Variants in HS2ST1 observed in about 807,000 individuals in gnomAD.
HS2ST1 encodes the protein 2-O-sulfotransferase.
HS2ST1 carries 18 observed loss-of-function variants against 42.9 expected under a neutral mutation model. The observed-to-expected ratio is 0.42, with a 90% CI of 0.29 to 0.62. HS2ST1 has a LOEUF of 0.62. Ranked by LOEUF, HS2ST1 falls within the 20% of genes least tolerant of loss-of-function variation. HS2ST1 has a pLI of 0.21. For missense variants in HS2ST1, 334 were observed against 433.8 expected, an observed-to-expected ratio of 0.77 and a Z score of 2.04; for synonymous variants, 146 against 152.9, an observed-to-expected ratio of 0.95 and a Z score of 0.33.
chr1:87,031,462 C>T (rs766043702), intron 1 of HS2ST1, among the ~76,000 whole-genome samples: 16 of 152,160 alleles, frequency 1.1e-4, no homozygotes, highest in Non-Finnish European at 1.8e-4. Context: ...GTGTGGTCCA[C>T]GGACTGGCTG....
At chr1:86,997,777 A>G (rs1649150759) in intron 1 of HS2ST1, among the ~76,000 whole-genome samples, 1 of 152,212 alleles carries the variant, frequency 6.6e-6, no homozygotes, top group South Asian at 2.1e-4. Flanking sequence ...GGTAGCACAT[A>G]CAGCATGAAT....
At chr1:86,990,295 C>T (rs1648904579) in intron 1 of HS2ST1, among the ~76,000 whole-genome samples, 2 of 152,044 alleles carry the variant, frequency 1.3e-5, no homozygotes, top group South Asian at 4.2e-4. Flanking sequence ...ATGACTTTGC[C>T]ATTTTTTGTG....
chr1:87,046,429 A>G (rs1453509778), intron 1 of HS2ST1: 7 of 899,564 alleles, frequency 7.8e-6, no homozygotes, highest in Admixed American at 1.7e-5. Flanking sequence ...AGCCAGAGCT[A>G]GAACATTCTA....
chr1:86,945,270 A>G (rs922396930), intron 1 of HS2ST1, among the ~76,000 whole-genome samples: 4 of 152,208 alleles, frequency 2.6e-5, no homozygotes, highest in Non-Finnish European at 4.4e-5. Flanking sequence ...GAAATATAGA[A>G]TATTATTGGG....
At chr1:87,099,998 C>T (rs886851525) in intron 5 of HS2ST1, among the ~76,000 whole-genome samples, 1 of 152,208 alleles carries the variant, frequency 6.6e-6, no homozygotes, top group Non-Finnish European at 1.5e-5. Flanking sequence ...GCCCCCATGG[C>T]TTTGCAGGGT....
rs1440204979 is a variant in HS2ST1, at chr1:86,959,486, C to T, written c.124+44326C>T. On this transcript the variant is annotated intron_variant, in intron 1 of 6. Coordinates refer to ENST00000370550, the MANE Select transcript of HS2ST1 (RefSeq NM_012262.4). ...CAGCCTGGCTAACATGGTGAAACCCCGTCTCTACTAAAAATACAAAAATCA... is the reference window on the plus strand; with the variant it reads ...CAGCCTGGCTAACATGGTGAAACCCTGTCTCTACTAAAAATACAAAAATCA... Among the ~76,000 whole-genome samples the T allele has an allele frequency of 3.3e-5, 5 of 152,016 alleles. No homozygotes were observed. In the South Asian group the frequency reaches 8.3e-4, roughly 25 times the overall value.
intron 1 of HS2ST1, among the ~76,000 whole-genome samples, chr1:86,989,279 T>G (rs1457903009): frequency 6.6e-6 from 1 of 152,210 alleles, no homozygotes; most frequent in Non-Finnish European, 1.5e-5. Flanking sequence ...GAAAGTATTC[T>G]CTCTACCTGG....
chr1:86,995,219 A>G (rs1237872492), intron 1 of HS2ST1, among the ~76,000 whole-genome samples: 1 of 152,204 alleles, frequency 6.6e-6, no homozygotes, highest in Non-Finnish European at 1.5e-5. Flanking sequence ...ATTTGTTTTC[A>G]AAAGTATGCA....
At chr1:87,101,234 C>T (rs1371544337) in intron 5 of HS2ST1, among the ~76,000 whole-genome samples, 7 of 130,790 alleles carry the variant, frequency 5.4e-5, no homozygotes, top group Admixed American at 9.1e-5. Context: ...GGCACGATCT[C>T]GGTTCACTGC....
intron 2 of HS2ST1, among the ~76,000 whole-genome samples, chr1:87,074,294 T>C (rs1210790493): frequency 6.6e-6 from 1 of 152,224 alleles, no homozygotes; most frequent in Non-Finnish European, 1.5e-5. Flanking sequence ...TCATAAAAAC[T>C]ATTCATTATG....
chr1:86,938,480 G>A (rs1329394516), intron 1 of HS2ST1, among the ~76,000 whole-genome samples: 3 of 151,954 alleles, frequency 2.0e-5, no homozygotes, highest in African/African-American at 2.4e-5. Flanking sequence ...TCCAAGTTGA[G>A]TTTTGAATTT....
intron 1 of HS2ST1, among the ~76,000 whole-genome samples, chr1:86,962,377 A>G (rs1647872760): frequency 6.6e-6 from 1 of 152,174 alleles, no homozygotes; most frequent in African/African-American, 2.4e-5. Flanking sequence ...TGAAGTTTGT[A>G]CACGGATGAT....
chr1:86,997,299 G>A (rs542752391), intron 1 of HS2ST1, among the ~76,000 whole-genome samples: 1 of 152,156 alleles, frequency 6.6e-6, no homozygotes, highest in African/African-American at 2.4e-5. Context: ...TCACTACCCA[G>A]GCCCAGGGCA....
At chr1:86,965,673 C>G (rs1029331762) in intron 1 of HS2ST1, among the ~76,000 whole-genome samples, 1 of 151,868 alleles carries the variant, frequency 6.6e-6, no homozygotes, top group Non-Finnish European at 1.5e-5. Context: ...ATTAAAATCT[C>G]TAGCCAGTGA....
At chr1:87,007,112 C>T (rs1649462713) in intron 1 of HS2ST1, among the ~76,000 whole-genome samples, 1 of 151,960 alleles carries the variant, frequency 6.6e-6, no homozygotes, top group Non-Finnish European at 1.5e-5. Context: ...TAAATAACCT[C>T]TTAATTTCTT....
At chr1:86,980,955 A>T (rs1057108181) in intron 1 of HS2ST1, among the ~76,000 whole-genome samples, 2 of 152,222 alleles carry the variant, frequency 1.3e-5, no homozygotes, top group Non-Finnish European at 2.9e-5. Flanking sequence ...GCTATAAAAA[A>T]CACCTGAGAC....
intron 5 of HS2ST1, among the ~76,000 whole-genome samples, chr1:87,101,979 G>A (rs1570549301): frequency 6.6e-6 from 1 of 152,204 alleles, no homozygotes; most frequent in Non-Finnish European, 1.5e-5. Flanking sequence ...ATGGCAGAAA[G>A]TGAAGTGCGA....
intron 1 of HS2ST1, among the ~76,000 whole-genome samples, chr1:87,057,379 CTG>C (rs1650996648): frequency 1.3e-5 from 2 of 152,074 alleles, no homozygotes; most frequent in Admixed American, 6.5e-5. Context: ...GATTAAGACA[CTG>C]TGATCTGGCT....
chr1:87,014,210 A>C (rs1649684626), intron 1 of HS2ST1, among the ~76,000 whole-genome samples: 1 of 152,238 alleles, frequency 6.6e-6, no homozygotes, highest in Admixed American at 6.5e-5. Context: ...TCATTTATAA[A>C]GGAAAGAGGT....
Sources: allele counts gnomAD v4.1 joint callset (sites outside exome capture counted in the v4.1 genomes callset), GRCh38; gene constraint gnomAD v4.1.1; transcripts MANE v1.5; gene names NCBI Gene and HGNC (gene_info 2026-07-23, HGNC 2026-07-21).